The following MFHAS1 variants were observed in gnomAD, a reference collection of about 807,000 sequenced individuals.
The protein encoded by MFHAS1 is multifunctional ROCO family signaling regulator 1.
In MFHAS1, 50 loss-of-function variants were observed where a neutral mutation model predicts 70.4. The ratio of observed to expected loss-of-function variants is 0.71; its 90% CI spans 0.57 to 0.90. MFHAS1 has a LOEUF of 0.90. Ranked by LOEUF, MFHAS1 falls within the 40% of genes least tolerant of loss-of-function variation. MFHAS1 has a pLI of 0.00. For synonymous variants in MFHAS1, 952 were observed against 620.0 expected (o/e 1.54, Z -7.96); for missense variants, 1,795 against 1,347.6 (o/e 1.33, Z -5.20).
chr8:8,889,186 A>C (rs1451948308), intron 1 of MFHAS1, among the ~76,000 whole-genome samples: 1 of 152,196 alleles, frequency 6.6e-6, no homozygotes, highest in African/African-American at 2.4e-5. Context: ...ATTATTAAGC[A>C]CTGCCAGAAA....
chr8:8,791,839 C>A (rs1805729022), intron 2 of MFHAS1, among the ~76,000 whole-genome samples: 1 of 152,170 alleles, frequency 6.6e-6, no homozygotes, highest in Non-Finnish European at 1.5e-5. Flanking sequence ...AGCTCCAGCT[C>A]CTCTCCACCA....
chr8:8,893,038 G>T lies in MFHAS1; in HGVS notation c.21C>A (p.Gly7=), dbSNP rs769046174. Residue 7 remains glycine, a synonymous_variant, in exon 1 of 3, where the codon GGC becomes GGA. Coordinates refer to ENST00000276282, the MANE Select transcript of MFHAS1 (RefSeq NM_004225.3). The part of the protein sequence containing the change: MAGMDS[G]NLKTARLWRD... ...GCCACAGCCTCGCGGTCTTCAGGTT[G>T]CCACTGTCCATCCCAGCCATGGCGG... The T allele has an allele frequency of 2.0e-5, 31 of 1,525,834 alleles. No homozygotes were observed. The highest frequency in any genetic ancestry group is 2.2e-4 in the Middle Eastern group (1 of 4,642). 94.5% of individuals were successfully genotyped at this position (1,525,834 alleles called of 1,614,324 possible).
intron 1 of MFHAS1, among the ~76,000 whole-genome samples, chr8:8,854,968 G>A (rs1808382220): frequency 6.6e-6 from 1 of 152,082 alleles, no homozygotes; most frequent in South Asian, 2.1e-4. Context: ...GGAGTGCAGT[G>A]ATACTATCAC....
At chr8:8,871,229 T>C (rs891547892) in intron 1 of MFHAS1, among the ~76,000 whole-genome samples, 3 of 152,170 alleles carry the variant, frequency 2.0e-5, no homozygotes, top group Non-Finnish European at 2.9e-5. Context: ...TCAGAGCTAA[T>C]GTTTACTGAG....
chr8:8,813,322 T>A (rs1025389421), intron 1 of MFHAS1, among the ~76,000 whole-genome samples: 3 of 152,218 alleles, frequency 2.0e-5, no homozygotes, highest in South Asian at 2.1e-4. Context: ...CTATACTTTT[T>A]ATCATTCTTT....
At chr8:8,842,209 G>A (rs1260315866) in intron 1 of MFHAS1, among the ~76,000 whole-genome samples, 1 of 151,322 alleles carries the variant, frequency 6.6e-6, no homozygotes, top group African/African-American at 2.4e-5. Flanking sequence ...TTTTTGAAAC[G>A]GAATTTCGCT....
chr8:8,885,189 A>C (rs1384247335), intron 1 of MFHAS1, among the ~76,000 whole-genome samples: 2 of 152,222 alleles, frequency 1.3e-5, no homozygotes, highest in African/African-American at 4.8e-5. Flanking sequence ...GACAGAAGAC[A>C]TTTGGCATGA....
At chr8:8,835,216 G>C (rs1807554979) in intron 1 of MFHAS1, among the ~76,000 whole-genome samples, 1 of 152,122 alleles carries the variant, frequency 6.6e-6, no homozygotes, top group African/African-American at 2.4e-5. Flanking sequence ...GATTGGGAGT[G>C]AATGCATGTC....
intron 2 of MFHAS1, among the ~76,000 whole-genome samples, chr8:8,790,695 T>C (rs1805690890): frequency 1.3e-5 from 2 of 152,214 alleles, no homozygotes; most frequent in African/African-American, 4.8e-5. Flanking sequence ...TTCTCCATTG[T>C]GATGAAGCCT....
At chr8:8,833,198 T>C (rs1807472738) in intron 1 of MFHAS1, among the ~76,000 whole-genome samples, 1 of 152,150 alleles carries the variant, frequency 6.6e-6, no homozygotes, top group Non-Finnish European at 1.5e-5. Flanking sequence ...CACCCCCTGA[T>C]CCAATCATCT....
intron 2 of MFHAS1, among the ~76,000 whole-genome samples, chr8:8,787,082 A>AT (rs1482734711): frequency 1.5e-4 from 14 of 94,504 alleles, no homozygotes; most frequent in East Asian, 5.2e-4. Context: ...CAGTATTATT[A>AT]TTATTTTTTT....
chr8:8,837,953 A>G (rs900809062), intron 1 of MFHAS1, among the ~76,000 whole-genome samples: 3 of 152,202 alleles, frequency 2.0e-5, no homozygotes, highest in East Asian at 1.9e-4. Flanking sequence ...AAACAATGAC[A>G]TGTCCAGCAC....
chr8:8,852,475 A>G (rs1225875812), intron 1 of MFHAS1, among the ~76,000 whole-genome samples: 1 of 127,924 alleles, frequency 7.8e-6, no homozygotes, highest in Admixed American at 9.2e-5. Context: ...TCTCAAACAC[A>G]CACACACACA....
At chr8:8,833,084 A>G (rs2117328313) in intron 1 of MFHAS1, among the ~76,000 whole-genome samples, 1 of 152,226 alleles carries the variant, frequency 6.6e-6, no homozygotes, top group Non-Finnish European at 1.5e-5. Context: ...AGGAGGAAGA[A>G]AGAGAAGGGA....
At chr8:8,847,198 T>G (rs1419628281) in intron 1 of MFHAS1, among the ~76,000 whole-genome samples, 1 of 152,324 alleles carries the variant, frequency 6.6e-6, no homozygotes, top group African/African-American at 2.4e-5. Context: ...TTTTTTCTTT[T>G]GAGACAGAGT....
chr8:8,890,401 A>G lies in MFHAS1; in HGVS notation c.2658T>C (p.Phe886=). ...VAEQLQIEYS[F]PFTFPLGLFA... ...ACAACCCAAGTGGAAAAGTAAAAGG[A>G]AAGCTATATTCAATCTGCAACTGCT... The change falls in exon 1 of 3, where the codon TTT becomes TTC. Residue 886 remains phenylalanine (F), a synonymous_variant. Coordinates refer to ENST00000276282, the MANE Select transcript of MFHAS1 (RefSeq NM_004225.3). 6.2e-7 allele frequency: 1 copy of G among 1,614,142 alleles called. No individual in the cohort carries two copies. Among genetic ancestry groups the G allele is most frequent in the South Asian group, 1.1e-5 (1 of 91,084 alleles).
chr8:8,830,479 A>C (rs1807344639), intron 1 of MFHAS1, among the ~76,000 whole-genome samples: 1 of 152,196 alleles, frequency 6.6e-6, no homozygotes, highest in African/African-American at 2.4e-5. Context: ...ATTACAGGTT[A>C]TTAAATTTAA....
intron 1 of MFHAS1, among the ~76,000 whole-genome samples, chr8:8,846,245 T>G (rs1301755336): frequency 3.2e-5 from 3 of 94,994 alleles, no homozygotes; most frequent in African/African-American, 4.3e-5. Flanking sequence ...AGAGCGAGAC[T>G]CTGTCTCCAA....
intron 1 of MFHAS1, among the ~76,000 whole-genome samples, chr8:8,814,845 ATTTCTT>A (rs1291162137): frequency 4.7e-4 from 51 of 107,456 alleles, no homozygotes; most frequent in African/African-American, 1.7e-3. Context: ...GCCTGCTAGA[ATTTCTT>A]TTTTTTTTTT....
Sources: allele counts gnomAD v4.1 joint callset (sites outside exome capture counted in the v4.1 genomes callset), GRCh38; gene constraint gnomAD v4.1.1; transcripts MANE v1.5; gene names NCBI Gene and HGNC (gene_info 2026-07-23, HGNC 2026-07-21).